ASAP1: variants seen among roughly 807,000 people sequenced by gnomAD.
The protein encoded by ASAP1 is arf-GAP with SH3 domain, ANK repeat and PH domain-containing protein 1.
A neutral mutation model predicts 145.2 loss-of-function variants in ASAP1; 43 were observed. The observed-to-expected ratio is 0.30, with a 90% CI of 0.23 to 0.38. ASAP1 has a LOEUF of 0.38. ASAP1 is among the 10% of genes least tolerant of loss of function. The pLI is 1.00. For synonymous variants in ASAP1, 546 were observed against 515.5 expected, an observed-to-expected ratio of 1.06 and a Z score of -0.80; for missense variants, 1,018 against 1,355.3, an observed-to-expected ratio of 0.75 and a Z score of 3.91.
At chr8:130,251,727 G>A (rs961734806) in intron 3 of ASAP1, among the ~76,000 whole-genome samples, 1 of 152,126 alleles carries the variant, frequency 6.6e-6, no homozygotes, top group African/African-American at 2.4e-5. Context: ...CAGAAGAACA[G>A]AGGGACAAAA....
At position 130,057,727 on chromosome 8, in the gene ASAP1, C is replaced by T. The variant is rs368503227; in HGVS notation, c.3315+227G>A. Among the ~76,000 whole-genome samples the T allele has an allele frequency of 3.9e-5, 6 of 152,308 alleles. No homozygotes were observed. In the East Asian group the frequency reaches 5.8e-4, roughly 15 times the overall value. On this transcript the variant is annotated intron_variant, in intron 29 of 29. Transcript: ENST00000518721. ...CCTCCCAAAGTGCTGGGATTACAGG[C>T]GTGAGCCACTGTGCCCGGCCAGCTC...
At chr8:130,300,139 C>A (rs976404323) in intron 3 of ASAP1, among the ~76,000 whole-genome samples, 1 of 118,510 alleles carries the variant, frequency 8.4e-6, no homozygotes, top group Non-Finnish European at 1.7e-5. Context: ...CACACACACA[C>A]ACACACACAC....
chr8:130,089,836 T>A (rs113361743), intron 25 of ASAP1, among the ~76,000 whole-genome samples: 157 of 151,998 alleles, frequency 1.0e-3, no homozygotes, highest in Non-Finnish European at 2.0e-3. Context: ...AATCAAAATT[T>A]AAAAAAAAAT....
At chr8:130,280,832 AT>A (rs1380089767) in intron 3 of ASAP1, among the ~76,000 whole-genome samples, 1 of 152,146 alleles carries the variant, frequency 6.6e-6, no homozygotes, top group East Asian at 1.9e-4. Flanking sequence ...GGAAATGATA[AT>A]TTTATTGGTT....
chr8:130,060,390 T>C (rs2097416372), intron 28 of ASAP1, among the ~76,000 whole-genome samples, 189 bp downstream of exon 28: 1 of 152,208 alleles, frequency 6.6e-6, no homozygotes, highest in Admixed American at 6.5e-5. Flanking sequence ...TTGAAGCCTG[T>C]CTGCTGGAGC....
chr8:130,059,350 G>C (rs2097412408), intron 28 of ASAP1, among the ~76,000 whole-genome samples: 1 of 152,046 alleles, frequency 6.6e-6, no homozygotes, highest in Non-Finnish European at 1.5e-5. Context: ...ATTTTTTATA[G>C]AGACGGTTTC....
In ASAP1 at chr8:130,159,866, G is replaced by C. The variant is rs747363071; in HGVS notation, c.1008C>G (p.Asp336Glu). ...CACTGGGCTGGGCTCATACATACCC[G>C]TCACTTTTCTTTAGCAGGTACCCCT... ...EKKGYLLKKS[D>E]GIRKVWQRRK... Residue 336 changes from aspartate to glutamate, a missense_variant and splice_region_variant, in exon 12 of 30, where the codon GAC (aspartate) becomes GAG (glutamate). Coordinates refer to ENST00000518721, the MANE Select transcript of ASAP1 (RefSeq NM_018482.4). 9 of 1,612,358 alleles carry C rather than the reference G, an allele frequency of 5.6e-6. No homozygotes were observed. The Admixed American group carries it at 1.5e-4, about 27-fold the overall frequency.
At chr8:130,235,833 C>T (rs1818182237) in intron 4 of ASAP1, among the ~76,000 whole-genome samples, 1 of 152,076 alleles carries the variant, frequency 6.6e-6, no homozygotes, top group Non-Finnish European at 1.5e-5. Flanking sequence ...CATAAAGTAC[C>T]TGAGGGTTTT....
At chr8:130,387,409 G>A (rs377507496) in intron 2 of ASAP1, among the ~76,000 whole-genome samples, 10 of 151,980 alleles carry the variant, frequency 6.6e-5, no homozygotes, top group South Asian at 2.1e-4. Flanking sequence ...GGTGGCGCTC[G>A]CCTGTAATCC....
chr8:130,330,634 G>A (rs1428000909), intron 3 of ASAP1, among the ~76,000 whole-genome samples: 1 of 152,202 alleles, frequency 6.6e-6, no homozygotes, highest in Non-Finnish European at 1.5e-5. Flanking sequence ...AGCATTTAAG[G>A]TTTATATTGC....
intron 1 of ASAP1, among the ~76,000 whole-genome samples, chr8:130,414,607 C>T (rs1383405851): frequency 1.3e-5 from 2 of 152,218 alleles, no homozygotes; most frequent in South Asian, 2.1e-4. Context: ...ATAACTGATG[C>T]TTCTCTTGGC....
At chr8:130,270,589 A>G (rs922822145) in intron 3 of ASAP1, among the ~76,000 whole-genome samples, 21 of 152,248 alleles carry the variant, frequency 1.4e-4, no homozygotes, top group African/African-American at 2.9e-4. Flanking sequence ...TAAAACATGC[A>G]TAAGAACACA....
chr8:130,355,264 C>A lies in ASAP1; in HGVS notation c.186+2753G>T, dbSNP rs572110098. ...GCATCAACATCTGCACAACACACCA[C>A]AATCTCTACCAAGGAGACATAGTAA... On this transcript the variant is annotated intron_variant, in intron 3 of 29. Transcript: ENST00000518721. Among the ~76,000 whole-genome samples, 4 of 152,302 alleles carry A rather than the reference C, an allele frequency of 2.6e-5. No homozygotes were observed. In the South Asian group the frequency reaches 8.3e-4, roughly 32 times the overall value.
intron 25 of ASAP1, among the ~76,000 whole-genome samples, chr8:130,086,034 A>G (rs1262714606): frequency 1.3e-5 from 2 of 152,202 alleles, no homozygotes; most frequent in Non-Finnish European, 2.9e-5. Context: ...CTGCAGATGG[A>G]TAAGGAGGCA....
At chr8:130,159,512 C>T (rs1166043461) in intron 12 of ASAP1, among the ~76,000 whole-genome samples, 1 of 146,064 alleles carries the variant, frequency 6.8e-6, no homozygotes, top group Non-Finnish European at 1.5e-5. Flanking sequence ...GTCCCAGCTA[C>T]TCGGGAGGCT....
intron 2 of ASAP1, among the ~76,000 whole-genome samples, chr8:130,365,701 A>G (rs1160296506): frequency 6.6e-6 from 1 of 152,112 alleles, no homozygotes; most frequent in Non-Finnish European, 1.5e-5. Flanking sequence ...AAATATTTAT[A>G]TTTATCCAAC....
At chr8:130,317,714 C>T (rs779315028) in intron 3 of ASAP1, among the ~76,000 whole-genome samples, 1 of 152,190 alleles carries the variant, frequency 6.6e-6, no homozygotes, top group Non-Finnish European at 1.5e-5. Flanking sequence ...TGTTGCTACG[C>T]GTTTGTTTCA....
chr8:130,072,007 T>C (rs2097447642), intron 27 of ASAP1, among the ~76,000 whole-genome samples: 1 of 152,224 alleles, frequency 6.6e-6, no homozygotes, highest in Non-Finnish European at 1.5e-5. Context: ...CCCCTGACCT[T>C]CTCTTGCCCT....
At chr8:130,212,756 G>T (rs1020249045) in intron 5 of ASAP1, among the ~76,000 whole-genome samples, 1 of 152,216 alleles carries the variant, frequency 6.6e-6, no homozygotes, top group Non-Finnish European at 1.5e-5. Flanking sequence ...GATGATGAAT[G>T]TTGGCCTGAA....
Sources: gnomAD v4.1 joint callset for allele counts (sites outside exome capture counted in the v4.1 genomes callset) on GRCh38, gnomAD v4.1.1 for gene constraint, MANE v1.5 for transcripts, NCBI Gene and HGNC (gene_info 2026-07-23, HGNC 2026-07-21) for gene names.